Variants in CLK3 observed in about 807,000 individuals in gnomAD.
The protein encoded by CLK3 is CDC like kinase 3.
CLK3 carries 24 observed loss-of-function variants against 65.2 expected under a neutral mutation model. The observed-to-expected ratio is 0.37, with a 90% CI of 0.27 to 0.52. CLK3 has a LOEUF of 0.52. Among genes scored for constraint, CLK3 ranks in the 20% least tolerant of loss-of-function variants. The pLI is 0.92. For missense variants in CLK3, 506 were observed against 660.0 expected (o/e 0.77, Z 2.56); for synonymous variants, 252 against 240.8 (o/e 1.05, Z -0.43).
Position 74,630,137 on chromosome 15 carries a change from C to T in CLK3, c.*254C>T. On this transcript the variant is annotated 3_prime_UTR_variant, in exon 13 of 13. Coordinates refer to ENST00000395066, the MANE Select transcript of CLK3 (RefSeq NM_001130028.2). ...TTTGTAACCCCTGGTACCAGTGTGTCCATCTCCAGGCTCCTTGCCTTCCCC... is the reference window on the plus strand; with the variant it reads ...TTTGTAACCCCTGGTACCAGTGTGTTCATCTCCAGGCTCCTTGCCTTCCCC... 4.6e-6 allele frequency: 2 copies of T among 433,784 alleles called. 1 individual carries two copies. The highest frequency in any genetic ancestry group is 9.0e-5 in the South Asian group (2 of 22,242). The allele number at this position is 433,784 out of a possible 1,614,324, so 26.9% of individuals were successfully genotyped here. A position where few individuals can be genotyped will look rare whatever the true frequency, so the allele number is the denominator to read the frequency against.
At position 74,627,309 on chromosome 15, in the gene CLK3, A is replaced by G; in HGVS notation, c.818-43A>G. ...CTGGCCTAGAGCTGGCAGGAGAGCCAGCTTCTCAGTGCCTACTTCCCCTTC... is the reference window on the plus strand; with the variant it reads ...CTGGCCTAGAGCTGGCAGGAGAGCCGGCTTCTCAGTGCCTACTTCCCCTTC... On this transcript the variant is annotated intron_variant, in intron 7 of 12. Coordinates refer to ENST00000395066, the MANE Select transcript of CLK3 (RefSeq NM_001130028.2). This position sits in a 1 kb window ranked among gnomAD's most constrained non-coding sequence, Gnocchi z 4.3. The G allele has an allele frequency of 6.6e-7, 1 of 1,514,192 alleles. No individual in the cohort carries two copies. The highest frequency in any genetic ancestry group is 9.2e-7 in the Non-Finnish European group (1 of 1,089,340). 93.8% of individuals were successfully genotyped at this position (1,514,192 alleles called of 1,614,324 possible).
At chr15:74,629,158 G>A (rs1322132844) in intron 12 of CLK3, 126 bp downstream of exon 12, 4 of 787,012 alleles carry the variant, frequency 5.1e-6, no homozygotes, top group South Asian at 1.4e-5. Flanking sequence ...ATGGGAGGCG[G>A]CACCCAAGAC....
chr15:74,612,771 A>C (rs1297989184), upstream of CLK3, among the ~76,000 whole-genome samples: 1 of 152,180 alleles, frequency 6.6e-6, no homozygotes, highest in African/African-American at 2.4e-5. Flanking sequence ...AGGCTTCTCT[A>C]AGACAGACCA....
chr15:74,626,943 A>T, intron 7 of CLK3: 1 of 455,926 alleles, frequency 2.2e-6, no homozygotes, highest in Non-Finnish European at 4.4e-6. Flanking sequence ...CCACCTTAAT[A>T]TTCTTAGTAA....
intron 12 of CLK3, 191 bp downstream of exon 12, chr15:74,629,223 C>T (rs2062172030): frequency 2.9e-6 from 2 of 691,930 alleles, no homozygotes; most frequent in Admixed American, 2.0e-5. Flanking sequence ...GGCCCTTAGC[C>T]CTACCCCTTC....
upstream of CLK3, chr15:74,614,986 C>T (rs1453696839): frequency 6.3e-6 from 1 of 159,902 alleles, no homozygotes; most frequent in African/African-American, 2.4e-5. Flanking sequence ...TCAAAAGATC[C>T]CCACCTCAGT....
At chr15:74,615,230 C>T (rs1160304910), upstream of CLK3, 2 of 409,522 alleles carry the variant, frequency 4.9e-6, no homozygotes, top group East Asian at 3.6e-5. Context: ...GATCTCCTCC[C>T]TCCAGACTCC....
In CLK3 at chr15:74,615,854, C is replaced by CGGAGCGG; in HGVS notation, c.-40_-34dup. On this transcript the variant is annotated 5_prime_UTR_variant, in exon 1 of 13. Coordinates refer to ENST00000395066, the MANE Select transcript of CLK3 (RefSeq NM_001130028.2). ...CGCAGCCGGAAGCGGAAGAGGCGCT[C>CGGAGCGG]GGAGCGGGGAGTGGGGCCTAGCTGC... 1 of 1,254,804 alleles carries CGGAGCGG rather than the reference C, an allele frequency of 8.0e-7. No individual in the cohort carries two copies. The highest frequency in any genetic ancestry group is 1.0e-6 in the Non-Finnish European group (1 of 999,522). 77.7% of individuals were successfully genotyped at this position (1,254,804 alleles called of 1,614,324 possible).
upstream of CLK3, among the ~76,000 whole-genome samples, chr15:74,612,279 C>A (rs913117723): frequency 1.3e-5 from 2 of 152,294 alleles, no homozygotes; most frequent in South Asian, 4.1e-4. Context: ...GGGGTCAGAG[C>A]CCTTAAGTCA....
At chr15:74,625,682 C>A in intron 6 of CLK3, 120 bp from the exon 7 acceptor site, 1 of 997,380 alleles carries the variant, frequency 1.0e-6, no homozygotes, top group Non-Finnish European at 1.5e-6. Context: ...CTGTGTGTAT[C>A]TGCATTCTGG....
chr15:74,623,726 T>C (rs1294015828), intron 5 of CLK3: 3 of 152,210 alleles, frequency 2.0e-5, no homozygotes, highest in Admixed American at 6.5e-5. Context: ...AATGAGCCTC[T>C]GGAGTCACTA....
In CLK3 at chr15:74,621,833, G is replaced by T; in HGVS notation, c.370-287G>T. On this transcript the variant is annotated intron_variant, in intron 3 of 12. Coordinates refer to ENST00000395066, the MANE Select transcript of CLK3 (RefSeq NM_001130028.2). This position sits in a 1 kb window ranked among gnomAD's most constrained non-coding sequence, Gnocchi z 4.8. Reference sequence around the variant, plus strand: ...AGGCAGGTCATCTTCCTGAGCGTTTGTGGCGCTCCTCTTAAAGATAATGTC... The same window carrying T: ...AGGCAGGTCATCTTCCTGAGCGTTTTTGGCGCTCCTCTTAAAGATAATGTC... The T allele has an allele frequency of 9.7e-6, 4 of 413,892 alleles. No individual in the cohort carries two copies. The highest frequency in any genetic ancestry group is 1.4e-5 in the Non-Finnish European group (3 of 210,820). The allele number at this position is 413,892 out of a possible 1,614,324, so 25.6% of individuals were successfully genotyped here.
rs750931377 is a variant in CLK3 at position 74,627,692 on chromosome 15, C to T, written c.1042+24C>T. 3 of 1,612,978 alleles carry T rather than the reference C, an allele frequency of 1.9e-6. No individual in the cohort carries two copies. The Admixed American group carries it at 5.0e-5, about 27-fold the overall frequency. ...TGGTGAGTGACTGTATGGCCTGTGACCTTGTCATACTGGACTGTTGTTGGG... is the reference window on the plus strand; with the variant it reads ...TGGTGAGTGACTGTATGGCCTGTGATCTTGTCATACTGGACTGTTGTTGGG... On this transcript the variant is annotated intron_variant, in intron 9 of 12. Coordinates refer to ENST00000395066, the MANE Select transcript of CLK3 (RefSeq NM_001130028.2). This position sits in a 1 kb window ranked among gnomAD's most constrained non-coding sequence, Gnocchi z 4.3.
chr15:74,615,602 G>A, upstream of CLK3: 8 of 1,256,936 alleles, frequency 6.4e-6, no homozygotes, highest in South Asian at 2.4e-4. Flanking sequence ...GTCAGGTCGG[G>A]GGACCTACGT....
At chr15:74,626,010 C>T (rs1252242272) in intron 7 of CLK3, 42 bp downstream of exon 7, 2 of 1,600,780 alleles carry the variant, frequency 1.2e-6, no homozygotes, top group Non-Finnish European at 1.7e-6. Flanking sequence ...AGCCACATGC[C>T]TGCAGCCAAG....
upstream of CLK3, chr15:74,615,298 G>A (rs2062043212): frequency 1.6e-6 from 1 of 633,226 alleles, no homozygotes. Flanking sequence ...ACGCACTGGC[G>A]AGCTGGGAGC....
chr15:74,622,220 C>T lies in CLK3; in HGVS notation c.466+4C>T. 1.9e-6 allele frequency: 3 copies of T among 1,610,268 alleles called. No individual in the cohort carries two copies. Among genetic ancestry groups the T allele is most frequent in the Non-Finnish European group, 2.5e-6 (3 of 1,176,646 alleles). On this transcript the variant is annotated splice_donor_region_variant and intron_variant, in intron 4 of 12. Transcript: ENST00000395066. This position sits in a 1 kb window ranked among gnomAD's most constrained non-coding sequence, Gnocchi z 4.6. Reference sequence around the variant, plus strand: ...GGCGATTGGCTCCAAGAGCGATGTACAGCCACCTTTCGTAAAACTTTACCT... The same window carrying T: ...GGCGATTGGCTCCAAGAGCGATGTATAGCCACCTTTCGTAAAACTTTACCT...
chr15:74,625,361 C>A (rs1482795777), intron 6 of CLK3, among the ~76,000 whole-genome samples: 1 of 152,196 alleles, frequency 6.6e-6, no homozygotes, highest in Non-Finnish European at 1.5e-5. Flanking sequence ...TGAGCACTCT[C>A]CTCCACGCAC....
chr15:74,615,735 C>T, upstream of CLK3: 3 of 1,238,674 alleles, frequency 2.4e-6, no homozygotes, highest in Non-Finnish European at 3.0e-6. Context: ...GCCTTCGAGT[C>T]GGGGGCTAGA....
Sources: allele counts gnomAD v4.1 joint callset (sites outside exome capture counted in the v4.1 genomes callset), GRCh38; gene constraint gnomAD v4.1.1; non-coding constraint Gnocchi (gnomAD v3.1); transcripts MANE v1.5; gene names NCBI Gene and HGNC (gene_info 2026-07-23, HGNC 2026-07-21).